ATP2C2: variants seen among roughly 807,000 people sequenced by gnomAD.
ATP2C2 encodes ATPase secretory pathway Ca2+ transporting 2.
In ATP2C2, 171 loss-of-function variants were observed where a neutral mutation model predicts 110.8. The ratio of observed to expected loss-of-function variants is 1.54; its 90% CI spans 1.36 to 1.75. The LOEUF (loss-of-function observed/expected upper bound fraction) is 1.75. ATP2C2 is among the 40% of genes most tolerant of loss of function. The pLI is 0.00. For missense variants in ATP2C2, 1,963 were observed against 1,235.0 expected, an observed-to-expected ratio of 1.59 and a Z score of -8.84; for synonymous variants, 804 against 508.4, an observed-to-expected ratio of 1.58 and a Z score of -7.82.
intron 10 of ATP2C2, 100 bp downstream of exon 10, chr16:84,423,363 C>A: frequency 1.8e-6 from 2 of 1,113,438 alleles, no homozygotes; most frequent in Non-Finnish European, 2.7e-6. Flanking sequence ...TGCTACTCAG[C>A]TGCATAAGGC....
intron 6 of ATP2C2, among the ~76,000 whole-genome samples, chr16:84,411,483 C>T (rs776023907): frequency 6.6e-6 from 1 of 152,140 alleles, no homozygotes; most frequent in African/African-American, 2.4e-5. Context: ...GCTCTGTCGC[C>T]CAGGCTGGAG....
At chr16:84,417,694 C>G (rs969429345) in intron 7 of ATP2C2, among the ~76,000 whole-genome samples, 3 of 152,164 alleles carry the variant, frequency 2.0e-5, no homozygotes, top group African/African-American at 7.2e-5. Flanking sequence ...GAGTTCAAGA[C>G]CAGCCTGGGC....
intron 5 of ATP2C2, 26 bp downstream of exon 5, chr16:84,410,629 A>C (rs202156664): frequency 6.2e-7 from 1 of 1,613,866 alleles, no homozygotes; most frequent in Non-Finnish European, 8.5e-7. Context: ...GGTCCCAGTC[A>C]GGGTAAGCTG....
intron 16 of ATP2C2, among the ~76,000 whole-genome samples, chr16:84,447,811 G>T (rs966445026): frequency 7.1e-6 from 1 of 141,308 alleles, no homozygotes; most frequent in African/African-American, 2.7e-5. Context: ...CAATACATAT[G>T]TACTATAATT....
rs374595905 is a variant in ATP2C2 at position 84,454,880 on chromosome 16, C to G, written c.2043C>G (p.Ala681=). 1 of 1,613,956 alleles carries G rather than the reference C, an allele frequency of 6.2e-7. No individual in the cohort carries two copies. Among genetic ancestry groups the G allele is most frequent in the Non-Finnish European group, 8.5e-7 (1 of 1,179,942 alleles). The part of the protein sequence containing the change: ...MTGDGVNDAV[A]LKSADIGIAM... ...GGGATGGGGTGAACGACGCAGTGGC[C>G]CTGAAGTCTGCAGACATTGGGATCG... is the stretch of plus-strand genomic sequence containing the variant. Residue 681 remains alanine, a synonymous_variant, in exon 21 of 27, where the codon GCC becomes GCG. Coordinates refer to ENST00000262429, the MANE Select transcript of ATP2C2 (RefSeq NM_014861.4).
At chr16:84,420,100 C>T (rs1907194472) in intron 7 of ATP2C2, among the ~76,000 whole-genome samples, 1 of 152,192 alleles carries the variant, frequency 6.6e-6, no homozygotes, top group African/African-American at 2.4e-5. Flanking sequence ...CTATCTCATC[C>T]CGGAGGTCTC....
chr16:84,459,043 C>A lies in ATP2C2; in HGVS notation c.2148-77C>A, dbSNP rs1029190431. 17 of 1,500,926 alleles carry A rather than the reference C, an allele frequency of 1.1e-5. No homozygotes were observed. In the African/African-American group the frequency reaches 2.3e-4, roughly 21 times the overall value. The allele number at this position is 1,500,926 out of a possible 1,614,324, so 93.0% of individuals were successfully genotyped here. On this transcript the variant is annotated intron_variant, in intron 21 of 26. Transcript: ENST00000262429. ...ATCAATCTGGGCGAGTCACCACTGC[C>A]CCTTGCAGCAACCGATGCACTGGTC...
chr16:84,424,576 C>CTTTTTTTTTTTTTT lies in ATP2C2; in HGVS notation c.920-1149_920-1136dup, dbSNP rs371614449. Among the ~76,000 whole-genome samples, 117 of 114,848 alleles carry CTTTTTTTTTTTTTT rather than the reference C, an allele frequency of 1.0e-3. 6 individuals carry two copies. The highest frequency in any genetic ancestry group is 4.5e-3 in the African/African-American group (112 of 24,860). The allele number at this position is 114,848 out of a possible 152,430, so 75.3% of individuals were successfully genotyped here. A position where few individuals can be genotyped will look rare whatever the true frequency, so the allele number is the denominator to read the frequency against. On this transcript the variant is annotated intron_variant, in intron 10 of 26. Coordinates refer to ENST00000262429, the MANE Select transcript of ATP2C2 (RefSeq NM_014861.4). ...TACAGGCATGAGCCACCGCACTGGGCTTTTTTTTTTTTTTTTTTTTTTTAA... is the reference window on the plus strand; with the variant it reads ...TACAGGCATGAGCCACCGCACTGGGCTTTTTTTTTTTTTTTTTTTTTTTTTTTTTTTTTTTTTAA...
intron 14 of ATP2C2, among the ~76,000 whole-genome samples, chr16:84,441,966 A>AATG (rs1909301035): frequency 7.0e-6 from 1 of 143,454 alleles, no homozygotes; most frequent in African/African-American, 2.7e-5. Flanking sequence ...AACTAGTAAT[A>AATG]ATAAAAAAGA....
chr16:84,455,231 T>C (rs72806643), intron 21 of ATP2C2, among the ~76,000 whole-genome samples: 15,371 of 151,976 alleles, frequency 0.1, 1,009 homozygotes, highest in Non-Finnish European at 0.14. Context: ...ATGTTACGGA[T>C]ATGAAGCAGA....
chr16:84,381,794 GT>G (rs1910594170), intron 1 of ATP2C2, among the ~76,000 whole-genome samples: 1 of 152,010 alleles, frequency 6.6e-6, no homozygotes, highest in African/African-American at 2.4e-5. Flanking sequence ...TTAGAACAAT[GT>G]TATAATGAAC....
chr16:84,412,631 A>C (rs371648765), intron 6 of ATP2C2, among the ~76,000 whole-genome samples: 1 of 152,060 alleles, frequency 6.6e-6, no homozygotes, highest in Non-Finnish European at 1.5e-5. Context: ...AGCTCATTCT[A>C]AGCTTAACTT....
chr16:84,426,686 A>G (rs1214471587), intron 11 of ATP2C2, among the ~76,000 whole-genome samples: 1 of 152,164 alleles, frequency 6.6e-6, no homozygotes, highest in East Asian at 1.9e-4. Context: ...CATGATACAC[A>G]GTGCAGAGTG....
intron 22 of ATP2C2, 34 bp from the exon 23 acceptor site, chr16:84,459,236 G>C (rs552391105): frequency 6.2e-7 from 1 of 1,614,054 alleles, no homozygotes; most frequent in South Asian, 1.1e-5. Flanking sequence ...CACGCCTGGC[G>C]GGCGGCCGCT....
At chr16:84,392,679 T>G (rs934154413) in intron 1 of ATP2C2, among the ~76,000 whole-genome samples, 1 of 152,168 alleles carries the variant, frequency 6.6e-6, no homozygotes, top group African/African-American at 2.4e-5. Context: ...ACAAGGCTGG[T>G]CTCGAACTGC....
chr16:84,433,683 AACACACAC>A (rs71994851), intron 11 of ATP2C2, among the ~76,000 whole-genome samples: 25,790 of 150,538 alleles, frequency 0.17, 2,560 homozygotes, highest in East Asian at 0.49. Context: ...ACAACAACAA[AACACACAC>A]ACACACACAC....
At chr16:84,374,645 C>T (rs1057224835) in intron 1 of ATP2C2, among the ~76,000 whole-genome samples, 4 of 152,030 alleles carry the variant, frequency 2.6e-5, no homozygotes, top group African/African-American at 9.7e-5. Flanking sequence ...TGGTGGCCAT[C>T]ATATTAGGGG....
At chr16:84,444,871 C>A (rs191430590) in intron 15 of ATP2C2, among the ~76,000 whole-genome samples, 2 of 152,340 alleles carry the variant, frequency 1.3e-5, no homozygotes. Flanking sequence ...CTTTGTGGTT[C>A]TTACCTGTCT....
At position 84,380,535 on chromosome 16, in the gene ATP2C2, T is replaced by A. The variant is rs141355599; in HGVS notation, c.99+11821T>A. Among the ~76,000 whole-genome samples, 106 of 152,296 alleles carry A rather than the reference T, an allele frequency of 7.0e-4. 1 individual carries two copies. Among genetic ancestry groups the A allele is most frequent in the African/African-American group, 2.5e-3 (102 of 41,556 alleles). On this transcript the variant is annotated intron_variant, in intron 1 of 26. Transcript: ENST00000262429. ...GCGGAGGGAGGAAGGTCCTGTTTGT[T>A]TCTGATCAGTTTGCGGTAATCAGGT...
Sources: gnomAD v4.1 joint callset for allele counts (sites outside exome capture counted in the v4.1 genomes callset) on GRCh38, gnomAD v4.1.1 for gene constraint, MANE v1.5 for transcripts, NCBI Gene and HGNC (gene_info 2026-07-23, HGNC 2026-07-21) for gene names.